CACNA1A: variants seen among roughly 807,000 people sequenced by gnomAD.
The protein encoded by CACNA1A is voltage-dependent P/Q-type calcium channel subunit alpha-1A.
Under a neutral mutation model 262.4 loss-of-function variants are expected in CACNA1A, and 57 were observed. The ratio of observed to expected loss-of-function variants is 0.22; its 90% CI spans 0.18 to 0.27. The LOEUF is 0.27. Among genes scored for constraint, CACNA1A ranks in the 10% least tolerant of loss-of-function variants. The pLI, the probability that CACNA1A is intolerant of heterozygous loss-of-function variation, is 1.00. For synonymous variants in CACNA1A, 1,431 were observed against 1,419.3 expected (o/e 1.01, Z -0.18); for missense variants, 2,526 against 3,562.8 (o/e 0.71, Z 7.41).
intron 38 of CACNA1A, among the ~76,000 whole-genome samples, chr19:13,217,927 CTTTTTTTTTTTTT>C (rs33920209): frequency 1.1e-5 from 1 of 91,528 alleles, no homozygotes; most frequent in Non-Finnish European, 2.0e-5. Context: ...ATAGTTCATT[CTTTTTTTTTTTTT>C]TTTTTTTTTT....
intron 1 of CACNA1A, among the ~76,000 whole-genome samples, chr19:13,466,037 T>C (rs186045493): frequency 6.6e-6 from 1 of 152,018 alleles, no homozygotes; most frequent in Non-Finnish European, 1.5e-5. Flanking sequence ...GACTGCTTAA[T>C]GGGTACAAGG....
chr19:13,208,363 G>A (rs2054656913), intron 46 of CACNA1A, among the ~76,000 whole-genome samples: 1 of 152,108 alleles, frequency 6.6e-6, no homozygotes, highest in Non-Finnish European at 1.5e-5. Context: ...GTTAAAAATA[G>A]CAGAAGTTTC....
At chr19:13,472,141 T>A (rs931929289) in intron 1 of CACNA1A, among the ~76,000 whole-genome samples, 8 of 151,976 alleles carry the variant, frequency 5.3e-5, no homozygotes, top group Admixed American at 2.0e-4. Flanking sequence ...TTTTAATTTT[T>A]ATTTTTATTT....
rs1568709372 is a variant in CACNA1A, at chr19:13,497,504, AAAAAAAAAAAAAAAAAAATATATATATAT to A, written c.293+8399_293+8427del. Reference sequence around the variant, plus strand: ...ACTCCATCTCAAAAAAAAAAAAAAAAAAAAAAAAAAAAAAAAAATATATATATATATATATATATATATATATATATATA... The same window carrying A: ...ACTCCATCTCAAAAAAAAAAAAAAAAATATATATATATATATATATATATA... On this transcript the variant is annotated intron_variant, in intron 1 of 46. Coordinates refer to ENST00000360228, the MANE Select transcript of CACNA1A (RefSeq NM_001127222.2). 1.2e-4 allele frequency among the ~76,000 whole-genome samples: 5 copies of A among 40,010 alleles called. 1 individual carries two copies. Among genetic ancestry groups the A allele is most frequent in the African/African-American group, 5.1e-4 (5 of 9,824 alleles). The allele number at this position is 40,010 out of a possible 152,430, so 26.2% of individuals were successfully genotyped here.
chr19:13,389,800 CTTT>C (rs2059681370), intron 3 of CACNA1A, among the ~76,000 whole-genome samples: 1 of 151,790 alleles, frequency 6.6e-6, no homozygotes, highest in South Asian at 2.1e-4. Context: ...TTTATTTTTA[CTTT>C]ATTATTATTT....
chr19:13,259,311 G>GTTTTTT (rs2056658168), intron 27 of CACNA1A: 4 of 59,138 alleles, frequency 6.8e-5, no homozygotes, highest in Admixed American at 2.4e-4. Context: ...ATGCCTGGCA[G>GTTTTTT]CTTTTTTTTT....
At chr19:13,239,183 C>T (rs1230994551) in intron 31 of CACNA1A, among the ~76,000 whole-genome samples, 2 of 152,208 alleles carry the variant, frequency 1.3e-5, no homozygotes, top group Non-Finnish European at 2.9e-5. Flanking sequence ...AATATAGCCC[C>T]GCCCTCCCCA....
rs148247306 is a variant in CACNA1A at position 13,348,192 on chromosome 19, G to C, written c.978+11414C>G. Among the ~76,000 whole-genome samples the C allele has an allele frequency of 1.3e-5, 2 of 152,056 alleles. 1 individual carries two copies. Among genetic ancestry groups the C allele is most frequent in the South Asian group, 4.2e-4 (2 of 4,816 alleles). ...CCTGCCTCAGCTTCTCAAAGGGCTG[G>C]GATTCCAGGCGTGAGCCACCACGCC... On this transcript the variant is annotated intron_variant, in intron 6 of 46. Coordinates refer to ENST00000360228, the MANE Select transcript of CACNA1A (RefSeq NM_001127222.2).
At chr19:13,345,201 C>G (rs955758994) in intron 6 of CACNA1A, among the ~76,000 whole-genome samples, 4 of 152,146 alleles carry the variant, frequency 2.6e-5, no homozygotes, top group African/African-American at 9.7e-5. Flanking sequence ...AAATACTCCC[C>G]ACATCTTCCT....
chr19:13,491,257 G>A (rs1031576339), intron 1 of CACNA1A, among the ~76,000 whole-genome samples: 1 of 152,196 alleles, frequency 6.6e-6, no homozygotes, highest in African/African-American at 2.4e-5. Flanking sequence ...CTGAGTCTCA[G>A]TGTGCACATC....
chr19:13,479,314 G>T (rs1280796811), intron 1 of CACNA1A, among the ~76,000 whole-genome samples: 1 of 152,204 alleles, frequency 6.6e-6, no homozygotes, highest in Non-Finnish European at 1.5e-5. Flanking sequence ...AGGGCGGGAG[G>T]CAAATGCTGA....
intron 31 of CACNA1A, among the ~76,000 whole-genome samples, chr19:13,240,889 G>A (rs551215281): frequency 6.6e-6 from 1 of 152,336 alleles, no homozygotes; most frequent in Admixed American, 6.5e-5. Flanking sequence ...GGCCTCAGTG[G>A]GCCAGCCCCA....
chr19:13,426,137 C>G lies in CACNA1A; in HGVS notation c.539+26739G>C, dbSNP rs73922397. Among the ~76,000 whole-genome samples, 1,050 of 152,068 alleles carry G rather than the reference C, an allele frequency of 6.9e-3. 15 individuals carry two copies. The highest frequency in any genetic ancestry group is 0.024 in the African/African-American group (983 of 41,460). ...AAAGATAACAAGACATTCAAGAAAA[C>G]AAGGCACCAGAATGAGGAATCACAG... On this transcript the variant is annotated intron_variant, in intron 3 of 46. Coordinates refer to ENST00000360228, the MANE Select transcript of CACNA1A (RefSeq NM_001127222.2).
intron 7 of CACNA1A, among the ~76,000 whole-genome samples, chr19:13,334,889 C>G (rs1184076495): frequency 6.6e-6 from 1 of 151,928 alleles, no homozygotes; most frequent in Non-Finnish European, 1.5e-5. Context: ...AAAAATGTAG[C>G]TGGGCATGGT....
At position 13,243,424 on chromosome 19, in the gene CACNA1A, A is replaced by T. The variant is rs141461118; in HGVS notation, c.4950+1758T>A. ...CTAGGACGGAAGAGCAGGCAAACAG[A>T]TCCTTTTCTGTAGGGGGATCTGACT... On this transcript the variant is annotated intron_variant, in intron 31 of 46. Coordinates refer to ENST00000360228, the MANE Select transcript of CACNA1A (RefSeq NM_001127222.2). 8.6e-3 allele frequency among the ~76,000 whole-genome samples: 1,301 copies of T among 152,022 alleles called. 13 individuals carry two copies. Among genetic ancestry groups the T allele is most frequent in the Admixed American group, 0.015 (225 of 15,260 alleles).
chr19:13,247,446 C>T (rs151316267), intron 30 of CACNA1A, among the ~76,000 whole-genome samples: 3,185 of 152,282 alleles, frequency 0.021, 106 homozygotes, highest in African/African-American at 0.07. Flanking sequence ...GCAATCCCAG[C>T]ACTTTGGGAG....
intron 3 of CACNA1A, among the ~76,000 whole-genome samples, chr19:13,416,212 T>A (rs1050741325): frequency 6.6e-5 from 10 of 152,158 alleles, no homozygotes; most frequent in Non-Finnish European, 1.2e-4. Context: ...GCGATCCTCC[T>A]GCCTCATCCT....
chr19:13,388,254 T>C (rs1390420933), intron 3 of CACNA1A, among the ~76,000 whole-genome samples: 1 of 128,560 alleles, frequency 7.8e-6, no homozygotes, highest in Non-Finnish European at 1.7e-5. Context: ...TCTTTTTTTT[T>C]TTTTTTTTTT....
At chr19:13,499,454 G>T (rs1209391540) in intron 1 of CACNA1A, among the ~76,000 whole-genome samples, 1 of 131,220 alleles carries the variant, frequency 7.6e-6, no homozygotes, top group African/African-American at 2.9e-5. Flanking sequence ...GGGTGGTGGG[G>T]GGGGGCACTT....
Sources: gnomAD v4.1 joint callset for allele counts (sites outside exome capture counted in the v4.1 genomes callset) on GRCh38, gnomAD v4.1.1 for gene constraint, MANE v1.5 for transcripts, NCBI Gene and HGNC (gene_info 2026-07-23, HGNC 2026-07-21) for gene names.